THSD7B: variants seen among roughly 807,000 people sequenced by gnomAD.
THSD7B encodes thrombospondin type 1 domain containing 7B.
In THSD7B, 138 loss-of-function variants were observed where a neutral mutation model predicts 213.6. The ratio of observed to expected loss-of-function variants is 0.65; its 90% confidence interval spans 0.56 to 0.74. The LOEUF (loss-of-function observed/expected upper bound fraction) is 0.74. Among genes scored for constraint, THSD7B ranks in the 30% least tolerant of loss-of-function variants. THSD7B has a pLI of 0.00. For synonymous variants in THSD7B, 742 were observed against 687.0 expected (o/e 1.08, Z -1.25); for missense variants, 1,931 against 1,991.5 (o/e 0.97, Z 0.58).
intron 1 of THSD7B, among the ~76,000 whole-genome samples, chr2:136,853,099 C>T (rs1683126861): frequency 6.6e-6 from 1 of 151,862 alleles, no homozygotes; most frequent in Non-Finnish European, 1.5e-5. Context: ...TGTGAATACT[C>T]TACTGTTTCC....
At chr2:137,268,055 T>C (rs928800130) in intron 10 of THSD7B, among the ~76,000 whole-genome samples, 1 of 152,226 alleles carries the variant, frequency 6.6e-6, no homozygotes, top group Non-Finnish European at 1.5e-5. Flanking sequence ...GGAATTATCA[T>C]TCTCCCTTGA....
At chr2:137,238,819 C>T (rs1018285504) in intron 9 of THSD7B, among the ~76,000 whole-genome samples, 6 of 151,718 alleles carry the variant, frequency 4.0e-5, no homozygotes, top group Non-Finnish European at 2.9e-5. Flanking sequence ...TCCCAAAGTG[C>T]TGGGATTACA....
intron 1 of THSD7B, among the ~76,000 whole-genome samples, chr2:136,841,915 AT>A (rs1286827750): frequency 6.6e-6 from 1 of 152,202 alleles, no homozygotes; most frequent in African/African-American, 2.4e-5. Context: ...ACTTTTCTTA[AT>A]TATTGCAGCT....
intron 1 of THSD7B, among the ~76,000 whole-genome samples, chr2:136,780,775 G>A (rs1347808082): frequency 6.6e-6 from 1 of 152,170 alleles, no homozygotes. Context: ...CTTTAGATGT[G>A]CATTTAAATA....
At chr2:136,863,829 A>G (rs1652434) in intron 1 of THSD7B, among the ~76,000 whole-genome samples, 146,671 of 152,186 alleles carry the variant, frequency 0.96, 70,946 homozygotes, top group East Asian at 1. Context: ...CTTACAAGGG[A>G]CAAATCATTT....
intron 12 of THSD7B, among the ~76,000 whole-genome samples, chr2:137,376,708 A>G (rs967958793): frequency 6.6e-5 from 10 of 152,218 alleles, no homozygotes; most frequent in Non-Finnish European, 4.4e-5. Context: ...GTTATAGGCA[A>G]TAGTCTGTAG....
At chr2:136,864,811 C>T (rs1018461986) in intron 1 of THSD7B, among the ~76,000 whole-genome samples, 2 of 152,162 alleles carry the variant, frequency 1.3e-5, no homozygotes, top group Non-Finnish European at 2.9e-5. Flanking sequence ...CTTGGCCTCC[C>T]AAAGTGTTGG....
At chr2:136,969,815 C>T (rs566703147) in intron 2 of THSD7B, among the ~76,000 whole-genome samples, 2 of 152,192 alleles carry the variant, frequency 1.3e-5, no homozygotes, top group South Asian at 4.2e-4. Context: ...CTAAGTGAAG[C>T]CCACCTGTTG....
At chr2:137,206,059 A>G (rs1197846608) in intron 7 of THSD7B, among the ~76,000 whole-genome samples, 7 of 119,282 alleles carry the variant, frequency 5.9e-5, no homozygotes, top group South Asian at 5.2e-4. Flanking sequence ...TTTTTTTTTT[A>G]TCTAAATGTC....
At chr2:137,410,151 T>A (rs1393351765) in intron 13 of THSD7B, among the ~76,000 whole-genome samples, 1 of 152,196 alleles carries the variant, frequency 6.6e-6, no homozygotes, top group Non-Finnish European at 1.5e-5. Flanking sequence ...ATGGCTGTGG[T>A]GGAAGCTGTG....
intron 15 of THSD7B, among the ~76,000 whole-genome samples, chr2:137,546,398 TA>T (rs1168102732): frequency 1.4e-4 from 6 of 43,370 alleles, no homozygotes; most frequent in African/African-American, 8.2e-4. Context: ...ATATATATTA[TA>T]TATATTATAT....
At chr2:137,664,840 AT>A (rs1471792146) in intron 26 of THSD7B, among the ~76,000 whole-genome samples, 1 of 152,204 alleles carries the variant, frequency 6.6e-6, no homozygotes, top group Non-Finnish European at 1.5e-5. Flanking sequence ...AATGCTACAA[AT>A]GATCAAGCAA....
chr2:137,261,198 G>A (rs996568113), intron 10 of THSD7B, among the ~76,000 whole-genome samples: 1 of 152,142 alleles, frequency 6.6e-6, no homozygotes, highest in Non-Finnish European at 1.5e-5. Flanking sequence ...GGATGCGACA[G>A]AGTTCTTTGT....
chr2:137,034,685 G>A (rs139071848), intron 2 of THSD7B, among the ~76,000 whole-genome samples: 70 of 152,174 alleles, frequency 4.6e-4, no homozygotes, highest in Non-Finnish European at 8.2e-4. Flanking sequence ...AGAACATGCC[G>A]TGTTTGGTTT....
intron 6 of THSD7B, among the ~76,000 whole-genome samples, chr2:137,164,202 T>A (rs962479282): frequency 2.6e-5 from 4 of 152,116 alleles, no homozygotes; most frequent in African/African-American, 9.7e-5. Flanking sequence ...TTAAGAGCAC[T>A]AGATAACCAG....
chr2:137,592,003 G>A (rs1332830111), intron 17 of THSD7B, among the ~76,000 whole-genome samples: 1 of 151,300 alleles, frequency 6.6e-6, no homozygotes, highest in Non-Finnish European at 1.5e-5. Flanking sequence ...GCTTTTCATA[G>A]GAGTATTTAA....
rs545958283 is a variant in THSD7B, at chr2:137,405,599, A to G, written c.2501-14A>G. 7 of 1,579,634 alleles carry G rather than the reference A, an allele frequency of 4.4e-6. No homozygotes were observed. In the African/African-American group the frequency reaches 6.8e-5, roughly 15 times the overall value. On this transcript the variant is annotated splice_polypyrimidine_tract_variant and intron_variant, in intron 12 of 27. Coordinates refer to ENST00000409968, the MANE Select transcript of THSD7B (RefSeq NM_001316349.2). ...AATCAAAATAATAACAAAAGAATTC[A>G]TGCTTTTTTTCAGCTGTCTCATGCA... is the stretch of plus-strand genomic sequence containing the variant.
intron 17 of THSD7B, among the ~76,000 whole-genome samples, chr2:137,586,534 G>T (rs1681732709): frequency 6.6e-6 from 1 of 152,140 alleles, no homozygotes; most frequent in Non-Finnish European, 1.5e-5. Context: ...AGGCTTGGTG[G>T]TGACATAATC....
chr2:137,183,314 A>G (rs1680489953), intron 7 of THSD7B, among the ~76,000 whole-genome samples: 2 of 152,166 alleles, frequency 1.3e-5, no homozygotes, highest in South Asian at 4.1e-4. Flanking sequence ...CAAATTAGAA[A>G]TTTAACACTG....
Sources: gnomAD v4.1 joint callset for allele counts (sites outside exome capture counted in the v4.1 genomes callset) on GRCh38, gnomAD v4.1.1 for gene constraint, MANE v1.5 for transcripts, NCBI Gene and HGNC (gene_info 2026-07-23, HGNC 2026-07-21) for gene names.